ZNF804B: variants seen among roughly 807,000 people sequenced by gnomAD.
ZNF804B encodes zinc finger protein 804B, also known as zinc finger 804B.
In ZNF804B, 80 loss-of-function variants were observed where a neutral mutation model predicts 101.4. The ratio of observed to expected loss-of-function variants is 0.79; its 90% CI spans 0.66 to 0.95. The LOEUF is 0.95. Among genes scored for constraint, ZNF804B ranks in the 40% least tolerant of loss-of-function variants. The pLI, the probability that ZNF804B is intolerant of heterozygous loss-of-function variation, is 0.00. For synonymous variants in ZNF804B, 622 were observed against 558.8 expected, an observed-to-expected ratio of 1.11 and a Z score of -1.59; for missense variants, 1,673 against 1,561.9, an observed-to-expected ratio of 1.07 and a Z score of -1.20.
intron 1 of ZNF804B, among the ~76,000 whole-genome samples, chr7:88,954,563 C>CT (rs1055765279): frequency 5.3e-5 from 8 of 151,328 alleles, no homozygotes; most frequent in South Asian, 2.1e-4. Flanking sequence ...ATGCCCCCCC[C>CT]CCACCACGGG....
chr7:88,997,482 A>G (rs1262726809), intron 1 of ZNF804B, among the ~76,000 whole-genome samples: 1 of 152,084 alleles, frequency 6.6e-6, no homozygotes, highest in African/African-American at 2.4e-5. Context: ...AAAATTTTTA[A>G]TCACTATTGG....
chr7:88,874,765 A>C (rs961398596), intron 1 of ZNF804B, among the ~76,000 whole-genome samples: 2 of 152,098 alleles, frequency 1.3e-5, no homozygotes, highest in Admixed American at 6.6e-5. Flanking sequence ...CAGAAAGTCA[A>C]CAAGGATACC....
intron 1 of ZNF804B, among the ~76,000 whole-genome samples, chr7:88,960,775 ATGATATAATTAG>A (rs879897723): frequency 1.3e-5 from 2 of 151,370 alleles, no homozygotes; most frequent in African/African-American, 2.4e-5. Flanking sequence ...AATTACTTAC[ATGATATAATTAG>A]TGTGCCTGAG....
chr7:89,171,595 T>G (rs1791238406), intron 1 of ZNF804B, among the ~76,000 whole-genome samples: 1 of 151,866 alleles, frequency 6.6e-6, no homozygotes, highest in African/African-American at 2.4e-5. Context: ...CCACCACACC[T>G]GGCTAATTTT....
intron 1 of ZNF804B, among the ~76,000 whole-genome samples, chr7:89,058,155 T>A (rs922633552): frequency 2.6e-5 from 4 of 152,118 alleles, no homozygotes; most frequent in African/African-American, 9.7e-5. Flanking sequence ...TAGTAAGATG[T>A]TTTCCCTATA....
chr7:88,978,675 T>C (rs1793652293), intron 1 of ZNF804B, among the ~76,000 whole-genome samples: 1 of 151,638 alleles, frequency 6.6e-6, no homozygotes, highest in African/African-American at 2.4e-5. Context: ...CTACTCTGTG[T>C]CATTTAATTG....
chr7:89,292,871 A>G (rs954080467), intron 2 of ZNF804B, among the ~76,000 whole-genome samples: 5 of 152,034 alleles, frequency 3.3e-5, no homozygotes, highest in South Asian at 2.1e-4. Flanking sequence ...AATAGCATCA[A>G]AAAACCTAAA....
intron 1 of ZNF804B, among the ~76,000 whole-genome samples, chr7:89,078,858 CA>C (rs1435271118): frequency 6.6e-6 from 1 of 151,890 alleles, no homozygotes; most frequent in Non-Finnish European, 1.5e-5. Context: ...TTCAAACTTT[CA>C]AACCATGATA....
chr7:88,947,992 G>A (rs1163363762), intron 1 of ZNF804B, among the ~76,000 whole-genome samples: 5 of 151,926 alleles, frequency 3.3e-5, no homozygotes, highest in African/African-American at 1.2e-4. Flanking sequence ...TATCTGTAGT[G>A]TGCTACAAGT....
At chr7:89,005,408 G>C (rs1374485581) in intron 1 of ZNF804B, among the ~76,000 whole-genome samples, 5 of 151,888 alleles carry the variant, frequency 3.3e-5, no homozygotes, top group Non-Finnish European at 7.4e-5. Flanking sequence ...ACAAGGTCAA[G>C]GTCAAAGGTT....
At chr7:89,176,782 T>C in intron 1 of ZNF804B, among the ~76,000 whole-genome samples, 1 of 151,882 alleles carries the variant, frequency 6.6e-6, no homozygotes, top group Admixed American at 6.6e-5. Flanking sequence ...TTTTCCTTGG[T>C]GGGAGACTTT....
At chr7:89,210,109 C>T (rs987872799) in intron 1 of ZNF804B, among the ~76,000 whole-genome samples, 3 of 150,544 alleles carry the variant, frequency 2.0e-5, no homozygotes, top group African/African-American at 7.4e-5. Flanking sequence ...GATCATGCCA[C>T]TGTACCCCAG....
rs1477752081 is a variant in ZNF804B, at chr7:88,845,291, G to A, written c.108+85207G>A. The stretch of plus-strand genomic sequence containing the variant: ...TGCGCATGTGTGCGCACGCGCGCGC[G>A]CACGCGCGCGCACACACACACACAC... On this transcript the variant is annotated intron_variant, in intron 1 of 3. Transcript: ENST00000333190. Among the ~76,000 whole-genome samples, 180 of 106,538 alleles carry A rather than the reference G, an allele frequency of 1.7e-3. No individual in the cohort carries two copies. In the South Asian group the frequency reaches 0.035, roughly 21 times the overall value. 69.9% of individuals were successfully genotyped at this position (106,538 alleles called of 152,430 possible).
chr7:88,873,586 G>A (rs1338435976), intron 1 of ZNF804B, among the ~76,000 whole-genome samples: 17 of 152,036 alleles, frequency 1.1e-4, no homozygotes, highest in Non-Finnish European at 2.2e-4. Flanking sequence ...TTTCTTCTAG[G>A]GTTTTTATGG....
chr7:89,146,572 G>T (rs529210544), intron 1 of ZNF804B, among the ~76,000 whole-genome samples: 16 of 152,068 alleles, frequency 1.1e-4, no homozygotes, highest in Non-Finnish European at 1.5e-4. Flanking sequence ...CTCTCAAAAT[G>T]ATCAACCTTG....
intron 1 of ZNF804B, among the ~76,000 whole-genome samples, chr7:88,889,777 T>G (rs914596396): frequency 3.9e-5 from 6 of 152,200 alleles, no homozygotes; most frequent in African/African-American, 1.4e-4. Context: ...GTTTTTGAAT[T>G]TAATTAAGTC....
chr7:88,928,522 A>G (rs1792838882), intron 1 of ZNF804B, among the ~76,000 whole-genome samples: 1 of 152,150 alleles, frequency 6.6e-6, no homozygotes, highest in Non-Finnish European at 1.5e-5. Context: ...GATATGATAC[A>G]TCTGGCACAC....
At chr7:89,314,384 C>A (rs1443308525) in intron 2 of ZNF804B, among the ~76,000 whole-genome samples, 2 of 152,072 alleles carry the variant, frequency 1.3e-5, no homozygotes, top group Non-Finnish European at 2.9e-5. Flanking sequence ...AAAACTACAC[C>A]TACCAGTCAT....
chr7:88,882,746 G>A (rs1792063272), intron 1 of ZNF804B, among the ~76,000 whole-genome samples: 2 of 152,210 alleles, frequency 1.3e-5, no homozygotes, highest in South Asian at 4.1e-4. Flanking sequence ...GTGAATTAAT[G>A]CAGGAATGGA....
Sources: gnomAD v4.1 joint callset for allele counts (sites outside exome capture counted in the v4.1 genomes callset) on GRCh38, gnomAD v4.1.1 for gene constraint, MANE v1.5 for transcripts, NCBI Gene and HGNC (gene_info 2026-07-23, HGNC 2026-07-21) for gene names.